The following AGMO variants were observed in gnomAD, a reference collection of about 807,000 sequenced individuals.
AGMO encodes glyceryl-ether monooxygenase.
AGMO carries 75 observed loss-of-function variants against 60.2 expected under a neutral mutation model. That is an observed-to-expected ratio of 1.25 (90% CI 1.03 to 1.51). AGMO has a LOEUF of 1.51. AGMO is among the 40% of genes most tolerant of loss of function. AGMO has a pLI of 0.00. For missense variants in AGMO, 763 were observed against 525.5 expected (o/e 1.45, Z -4.42); for synonymous variants, 261 against 177.1 (o/e 1.47, Z -3.76).
In AGMO at chr7:15,247,095, G is replaced by A. The variant is rs188257630; in HGVS notation, c.1264-45736C>T. Among the ~76,000 whole-genome samples, 219 of 151,872 alleles carry A rather than the reference G, an allele frequency of 1.4e-3. 1 individual carries two copies. The highest frequency in any genetic ancestry group is 5.0e-3 in the African/African-American group (207 of 41,400). On this transcript the variant is annotated intron_variant, in intron 12 of 12. Transcript: ENST00000342526. ...AATGGGATTATATGCATGAGCCACT[G>A]TGCCCAGCCTGAAAAAAATTTATTT...
At chr7:15,187,846 T>G in the AGMO span, among the ~76,000 whole-genome samples, 1 of 152,008 alleles carries the variant, frequency 6.6e-6, no homozygotes, top group Non-Finnish European at 1.5e-5. Flanking sequence ...TTGTTGGTGT[T>G]TAAAGTTACT....
intron 12 of AGMO, among the ~76,000 whole-genome samples, chr7:15,322,439 T>C (rs1008995783): frequency 3.4e-5 from 4 of 117,978 alleles, no homozygotes; most frequent in African/African-American, 1.3e-4. Context: ...TGTGTGTATA[T>C]ATATAAATAT....
At chr7:15,360,851 C>G (rs10230926) in intron 12 of AGMO, among the ~76,000 whole-genome samples, 1 of 151,932 alleles carries the variant, frequency 6.6e-6, no homozygotes, top group Non-Finnish European at 1.5e-5. Context: ...AGAGTACGTA[C>G]GCATGCCCTC....
chr7:15,188,444 T>C, the AGMO span, among the ~76,000 whole-genome samples: 17 of 152,354 alleles, frequency 1.1e-4, no homozygotes, highest in Admixed American at 1.0e-3. Context: ...AGTATAGTAA[T>C]ATGTCCATTA....
At chr7:15,480,059 G>A (rs957072551) in intron 3 of AGMO, among the ~76,000 whole-genome samples, 30 of 152,136 alleles carry the variant, frequency 2.0e-4, no homozygotes, top group Non-Finnish European at 7.3e-5. Flanking sequence ...AGACAGCGGG[G>A]TAATCAAGTC....
chr7:15,209,356 A>T (rs1373327181), intron 12 of AGMO, among the ~76,000 whole-genome samples: 1 of 150,354 alleles, frequency 6.7e-6, no homozygotes, highest in African/African-American at 2.5e-5. Flanking sequence ...GACTTTCTCT[A>T]CCATGTAGGA....
intron 12 of AGMO, among the ~76,000 whole-genome samples, chr7:15,364,200 A>C (rs1438656635): frequency 6.6e-6 from 1 of 152,116 alleles, no homozygotes; most frequent in Non-Finnish European, 1.5e-5. Flanking sequence ...ATATTAATAA[A>C]GAATCTTCTG....
At chr7:15,129,677 G>A in the AGMO span, among the ~76,000 whole-genome samples, 5 of 152,068 alleles carry the variant, frequency 3.3e-5, no homozygotes, top group African/African-American at 1.2e-4. Context: ...TTTCCCTTAG[G>A]GGTAGAGAAT....
the AGMO span, among the ~76,000 whole-genome samples, chr7:15,133,926 T>C: frequency 5.9e-5 from 9 of 152,180 alleles, no homozygotes; most frequent in Admixed American, 3.9e-4. Context: ...TTCCCAAATA[T>C]ACTGTTTCTG....
intron 3 of AGMO, among the ~76,000 whole-genome samples, chr7:15,450,192 G>A (rs1330074842): frequency 3.9e-5 from 6 of 151,992 alleles, no homozygotes; most frequent in South Asian, 2.1e-4. Context: ...AGGCCGAGGC[G>A]GGCAGATCAC....
chr7:15,143,368 T>C, the AGMO span, among the ~76,000 whole-genome samples: 2 of 152,144 alleles, frequency 1.3e-5, no homozygotes, highest in Admixed American at 6.6e-5. Flanking sequence ...CATGCTGAGG[T>C]GGTGCTCAAT....
the AGMO span, among the ~76,000 whole-genome samples, chr7:15,189,977 C>T: frequency 6.7e-6 from 1 of 150,184 alleles, no homozygotes; most frequent in Non-Finnish European, 1.5e-5. Flanking sequence ...TGGGACCTTC[C>T]CTGCTGTTCC....
intron 2 of AGMO, among the ~76,000 whole-genome samples, chr7:15,547,317 A>G (rs939890910): frequency 6.6e-6 from 1 of 152,210 alleles, no homozygotes; most frequent in African/African-American, 2.4e-5. Flanking sequence ...CAGGGAGCCA[A>G]GATGGCCAAA....
intron 12 of AGMO, among the ~76,000 whole-genome samples, chr7:15,237,962 T>C (rs1415667808): frequency 6.6e-6 from 1 of 152,112 alleles, no homozygotes; most frequent in Non-Finnish European, 1.5e-5. Context: ...TTATCCCAGT[T>C]TCTGTGGGAA....
chr7:15,411,226 T>G (rs1025115068), intron 5 of AGMO, among the ~76,000 whole-genome samples: 3 of 152,156 alleles, frequency 2.0e-5, no homozygotes, highest in Non-Finnish European at 4.4e-5. Context: ...TCTTGGACTT[T>G]GTAGCCTCTA....
intron 3 of AGMO, among the ~76,000 whole-genome samples, chr7:15,516,584 T>C (rs528725021): frequency 1.3e-5 from 2 of 152,222 alleles, no homozygotes; most frequent in Non-Finnish European, 2.9e-5. Flanking sequence ...TATTTACAAC[T>C]TCCTTTGTAA....
At chr7:15,557,453 G>T (rs1785176309) in intron 2 of AGMO, among the ~76,000 whole-genome samples, 1 of 152,076 alleles carries the variant, frequency 6.6e-6, no homozygotes, top group South Asian at 2.1e-4. Flanking sequence ...ATTTGCACAG[G>T]GATTCCCCTT....
chr7:15,220,590 T>A (rs1453765603), intron 12 of AGMO, among the ~76,000 whole-genome samples: 1 of 152,028 alleles, frequency 6.6e-6, no homozygotes, highest in Non-Finnish European at 1.5e-5. Context: ...GCATACTGTC[T>A]TGTGCATGTT....
intron 5 of AGMO, among the ~76,000 whole-genome samples, chr7:15,395,563 G>C (rs1328149897): frequency 6.6e-6 from 1 of 151,960 alleles, no homozygotes; most frequent in Non-Finnish European, 1.5e-5. Context: ...AAATATACAC[G>C]ACAGCTGATC....
Sources: allele counts gnomAD v4.1 joint callset (sites outside exome capture counted in the v4.1 genomes callset), GRCh38; gene constraint gnomAD v4.1.1; transcripts MANE v1.5; gene names NCBI Gene and HGNC (gene_info 2026-07-23, HGNC 2026-07-21).